Variants in SLC13A1 observed in about 807,000 individuals in gnomAD.
SLC13A1 encodes Na(+)/sulfate cotransporter.
In SLC13A1, 65 loss-of-function variants were observed where a neutral mutation model predicts 70.0. That is an observed-to-expected ratio of 0.93 (90% CI 0.76 to 1.14). The LOEUF (loss-of-function observed/expected upper bound fraction) is 1.14, where lower values mean the gene tolerates loss of function less well. SLC13A1 is among the 50% of genes most tolerant of loss of function. The pLI is 0.00. For missense variants in SLC13A1, 726 were observed against 717.8 expected, an observed-to-expected ratio of 1.01 and a Z score of -0.13; for synonymous variants, 275 against 250.5, an observed-to-expected ratio of 1.10 and a Z score of -0.92.
chr7:123,174,468 T>A (rs935773953), intron 2 of SLC13A1, among the ~76,000 whole-genome samples: 1 of 152,166 alleles, frequency 6.6e-6, no homozygotes, highest in African/African-American at 2.4e-5. Context: ...TCACTTCCAA[T>A]ATAAGTCCTA....
intron 1 of SLC13A1, chr7:123,190,719 C>G (rs1795964519): frequency 2.3e-6 from 1 of 436,990 alleles, no homozygotes; most frequent in Non-Finnish European, 4.6e-6. Flanking sequence ...GTGTCTAAGA[C>G]TCATCTTTGA....
intron 1 of SLC13A1, among the ~76,000 whole-genome samples, chr7:123,195,398 T>C (rs1796145527): frequency 6.6e-6 from 1 of 152,046 alleles, no homozygotes; most frequent in South Asian, 2.1e-4. Context: ...TATTTGGCTC[T>C]TTAAAACTTA....
At chr7:123,149,961 T>C (rs1033519575) in intron 6 of SLC13A1, among the ~76,000 whole-genome samples, 1 of 152,180 alleles carries the variant, frequency 6.6e-6, no homozygotes, top group African/African-American at 2.4e-5. Flanking sequence ...GGTAGTTCTT[T>C]ATGAAAATTC....
chr7:123,119,827 AC>A (rs1793314469), intron 12 of SLC13A1, among the ~76,000 whole-genome samples: 1 of 152,000 alleles, frequency 6.6e-6, no homozygotes, highest in African/African-American at 2.4e-5. Context: ...TCATATATTA[AC>A]ATTTTTGTTT....
At chr7:123,143,611 C>G (rs143728301) in intron 7 of SLC13A1, among the ~76,000 whole-genome samples, 1 of 152,264 alleles carries the variant, frequency 6.6e-6, no homozygotes, top group Non-Finnish European at 1.5e-5. Flanking sequence ...GAGGGAGGGG[C>G]AGCATCTGTG....
At chr7:123,134,605 C>A in intron 7 of SLC13A1, 76 bp from the exon 8 acceptor site, 2 of 1,365,476 alleles carry the variant, frequency 1.5e-6, no homozygotes, top group Non-Finnish European at 2.0e-6. Context: ...AGGGAAGCAG[C>A]AGTCCACCTC....
chr7:123,157,596 G>A (rs1794755310), intron 6 of SLC13A1, among the ~76,000 whole-genome samples: 1 of 151,988 alleles, frequency 6.6e-6, no homozygotes, highest in African/African-American at 2.4e-5. Flanking sequence ...TTGTGTGTGT[G>A]TGCCACTGAG....
At chr7:123,171,289 A>T (rs1795263155) in intron 3 of SLC13A1, among the ~76,000 whole-genome samples, 1 of 152,228 alleles carries the variant, frequency 6.6e-6, no homozygotes, top group East Asian at 1.9e-4. Flanking sequence ...AGTTGGTTTA[A>T]AAAGAAAAAT....
intron 2 of SLC13A1, among the ~76,000 whole-genome samples, chr7:123,178,033 C>CTCTCTCTCTATA (rs761704605): frequency 1.6e-3 from 242 of 150,042 alleles, no homozygotes; most frequent in African/African-American, 4.9e-3. Context: ...CTCTCTCTCT[C>CTCTCTCTCTATA]TATATATATA....
chr7:123,118,645 G>A lies in SLC13A1; in HGVS notation c.1512+436C>T, dbSNP rs537054310. ...TATTTAAGCCTCAAGCCTGAAGTGT[G>A]AGCCTAGTTTTTCATTCATTTGCAA... is the stretch of plus-strand genomic sequence containing the variant. On this transcript the variant is annotated intron_variant, in intron 13 of 14. Coordinates refer to ENST00000194130, the MANE Select transcript of SLC13A1 (RefSeq NM_022444.4). 2.0e-5 allele frequency among the ~76,000 whole-genome samples: 3 copies of A among 152,242 alleles called. No homozygotes were observed. In the East Asian group the frequency reaches 5.8e-4, roughly 29 times the overall value.
intron 6 of SLC13A1, among the ~76,000 whole-genome samples, chr7:123,159,734 G>T (rs1035189636): frequency 6.6e-6 from 1 of 151,984 alleles, no homozygotes; most frequent in African/African-American, 2.4e-5. Context: ...AAGATGGAAA[G>T]AATATTTGGA....
chr7:123,141,788 CTATCT>C (rs1794159134), intron 7 of SLC13A1, among the ~76,000 whole-genome samples: 1 of 151,990 alleles, frequency 6.6e-6, no homozygotes, highest in South Asian at 2.1e-4. Flanking sequence ...ATATATTTTT[CTATCT>C]CTTTATTTTC....
chr7:123,133,597 G>A (rs538388223), intron 8 of SLC13A1, among the ~76,000 whole-genome samples: 2 of 152,126 alleles, frequency 1.3e-5, no homozygotes, highest in Non-Finnish European at 2.9e-5. Flanking sequence ...GAGTGCAATG[G>A]CGAGATCTTG....
At chr7:123,172,871 GCCTTTGCAAAAA>G (rs1416189490) in intron 2 of SLC13A1, among the ~76,000 whole-genome samples, 1 of 151,964 alleles carries the variant, frequency 6.6e-6, no homozygotes, top group Non-Finnish European at 1.5e-5. Flanking sequence ...TCTCCTATAG[GCCTTTGCAAAAA>G]CCTTTAAACA....
At chr7:123,144,441 A>G (rs892615846) in intron 7 of SLC13A1, among the ~76,000 whole-genome samples, 1 of 152,218 alleles carries the variant, frequency 6.6e-6, no homozygotes, top group African/African-American at 2.4e-5. Context: ...TGAAAAAAGC[A>G]TTAAATTTTT....
intron 7 of SLC13A1, among the ~76,000 whole-genome samples, chr7:123,134,931 G>A (rs12671490): frequency 0.23 from 35,628 of 152,088 alleles, 4,848 homozygotes; most frequent in East Asian, 0.37. Context: ...AGCAGAAATG[G>A]GAACAGGTGA....
intron 1 of SLC13A1, among the ~76,000 whole-genome samples, chr7:123,189,263 C>T (rs1241295560): frequency 6.6e-6 from 1 of 151,168 alleles, no homozygotes; most frequent in Non-Finnish European, 1.5e-5. Flanking sequence ...AGCCAAAGTG[C>T]CATGCTTTTT....
chr7:123,195,609 A>G (rs2116690604), intron 1 of SLC13A1, among the ~76,000 whole-genome samples: 1 of 152,016 alleles, frequency 6.6e-6, no homozygotes, highest in South Asian at 2.1e-4. Flanking sequence ...TATATCTAGC[A>G]CCATAAGTCT....
At chr7:123,197,678 A>G (rs959294221) in intron 1 of SLC13A1, among the ~76,000 whole-genome samples, 1 of 152,142 alleles carries the variant, frequency 6.6e-6, no homozygotes, top group African/African-American at 2.4e-5. Context: ...AAATGAGTTG[A>G]TTAGGAGGAA....
Sources: allele counts gnomAD v4.1 joint callset (sites outside exome capture counted in the v4.1 genomes callset), GRCh38; gene constraint gnomAD v4.1.1; transcripts MANE v1.5; gene names NCBI Gene and HGNC (gene_info 2026-07-23, HGNC 2026-07-21).